SLC26A4: variants seen among roughly 807,000 people sequenced by gnomAD.
SLC26A4 encodes pendrin.
In SLC26A4, 93 loss-of-function variants were observed where a neutral mutation model predicts 90.4. The observed-to-expected ratio is 1.03, with a 90% CI of 0.87 to 1.22. SLC26A4 has a LOEUF of 1.22. SLC26A4 is among the 50% of genes most tolerant of loss of function. The pLI, the probability that SLC26A4 is intolerant of heterozygous loss-of-function variation, is 0.00. For synonymous variants in SLC26A4, 393 were observed against 354.6 expected (o/e 1.11, Z -1.22); for missense variants, 1,127 against 946.2 (o/e 1.19, Z -2.51).
At chr7:107,664,185 C>T (rs776148770) in intron 3 of SLC26A4, among the ~76,000 whole-genome samples, 4 of 152,126 alleles carry the variant, frequency 2.6e-5, no homozygotes, top group Non-Finnish European at 4.4e-5. Context: ...GATTGCAGCA[C>T]ATTAAATTAT....
At position 107,663,445 on chromosome 7, in the gene SLC26A4, T is replaced by C. The variant is rs1314120776; in HGVS notation, c.304+10T>C. On this transcript the variant is annotated intron_variant, in intron 3 of 20. Coordinates refer to ENST00000644269, the MANE Select transcript of SLC26A4 (RefSeq NM_000441.2). ...GTGGCCACGCTGCAAGGTAAGATGT[T>C]GGCAGATTGAGAGTTCTGGTCTCCA... The C allele has an allele frequency of 7.4e-6, 12 of 1,613,886 alleles. No homozygotes were observed. Among genetic ancestry groups the C allele is most frequent in the South Asian group, 4.4e-5 (4 of 91,082 alleles).
At position 107,691,993 on chromosome 7, in the gene SLC26A4, C is replaced by T. The variant is rs1017915207; in HGVS notation, c.1263+1756C>T. 21 of 1,288,926 alleles carry T rather than the reference C, an allele frequency of 1.6e-5. No individual in the cohort carries two copies. The East Asian group carries it at 2.8e-4, about 17-fold the overall frequency. The allele number at this position is 1,288,926 out of a possible 1,614,324, so 79.8% of individuals were successfully genotyped here. A position where few individuals can be genotyped will look rare whatever the true frequency, so the allele number is the denominator to read the frequency against. On this transcript the variant is annotated intron_variant, in intron 10 of 20. Transcript: ENST00000644269. ...GCTCTCCAGAGCACATGGTCTTCAG[C>T]GGGTGCAGGCAAATCTCAAACTGCT...
intron 10 of SLC26A4, among the ~76,000 whole-genome samples, chr7:107,692,775 T>A (rs988711292): frequency 6.6e-6 from 1 of 152,170 alleles, no homozygotes; most frequent in African/African-American, 2.4e-5. Context: ...ACAGAATAAT[T>A]TTTTAGTAAC....
chr7:107,712,549 T>G lies in SLC26A4; in HGVS notation c.2246T>G (p.Ile749Ser). ...QGSILETITL[I>S]QDCKDTLELI... ...GTTCTCTTTTTCAAGATCACTCTCA[T>G]TCAGGATTGTAAAGATACCCTTGAA... Residue 749 changes from isoleucine to serine, a missense_variant, in exon 20 of 21, where the codon ATT becomes AGT. Coordinates refer to ENST00000644269, the MANE Select transcript of SLC26A4 (RefSeq NM_000441.2). 1 of 1,562,252 alleles carries G rather than the reference T, an allele frequency of 6.4e-7. No homozygotes were observed. Among genetic ancestry groups the G allele is most frequent in the Non-Finnish European group, 8.8e-7 (1 of 1,132,818 alleles).
chr7:107,689,158 A>C lies in SLC26A4; in HGVS notation c.1107A>C (p.Lys369Asn). ...ATGCTATTGCAGTGTCAGTAGGAAA[A>C]GTATATGCCACCAAGTATGATTACA... is the stretch of plus-strand genomic sequence containing the variant. Reference protein sequence around the residue: ...VAYAIAVSVGKVYATKYDYTI... With the variant: ...VAYAIAVSVGNVYATKYDYTI... The change falls in exon 9 of 21, where the codon AAA (lysine) becomes AAC (asparagine). Residue 369 changes from lysine (K) to asparagine (N), a missense_variant. Coordinates refer to ENST00000644269, the MANE Select transcript of SLC26A4 (RefSeq NM_000441.2). The C allele has an allele frequency of 6.8e-6, 11 of 1,613,908 alleles. No homozygotes were observed. Among genetic ancestry groups the C allele is most frequent in the Non-Finnish European group, 9.3e-6 (11 of 1,179,838 alleles).
intron 19 of SLC26A4, 30 bp downstream of exon 19, chr7:107,710,229 C>G (rs759279399): frequency 6.9e-6 from 10 of 1,448,900 alleles, no homozygotes; most frequent in Admixed American, 1.7e-5. Context: ...ACAGATGTAT[C>G]TTTTCTAAAC....
At chr7:107,685,523 T>C (rs1346532937) in intron 8 of SLC26A4, among the ~76,000 whole-genome samples, 1 of 152,166 alleles carries the variant, frequency 6.6e-6, no homozygotes, top group Admixed American at 6.5e-5. Flanking sequence ...TAAGTTAGGA[T>C]CACTCCTAAC....
At chr7:107,704,614 G>C (rs766236122) in intron 18 of SLC26A4, among the ~76,000 whole-genome samples, 1 of 152,044 alleles carries the variant, frequency 6.6e-6, no homozygotes, top group Non-Finnish European at 1.5e-5. Flanking sequence ...AAAGGCCAAA[G>C]ACAGCAAAAG....
At position 107,716,394 on chromosome 7, in the gene SLC26A4, A is replaced by G. The variant is rs1045449116; in HGVS notation, c.*948A>G. On this transcript the variant is annotated 3_prime_UTR_variant, in exon 21 of 21. Coordinates refer to ENST00000644269, the MANE Select transcript of SLC26A4 (RefSeq NM_000441.2). ...TTTCTCAAAAATTTTAGCAGTGTGT[A>G]AAGTAAGTAATCTTTAACTGAACTC... 6 of 152,178 alleles carry G rather than the reference A, an allele frequency of 3.9e-5. No individual in the cohort carries two copies. Among genetic ancestry groups the G allele is most frequent in the Non-Finnish European group, 2.9e-5 (2 of 68,024 alleles). 9.4% of individuals were successfully genotyped at this position (152,178 alleles called of 1,614,324 possible).
chr7:107,680,863 C>T (rs914488684), intron 6 of SLC26A4, among the ~76,000 whole-genome samples: 2 of 152,008 alleles, frequency 1.3e-5, no homozygotes, highest in Non-Finnish European at 2.9e-5. Flanking sequence ...ATTTTTGCAT[C>T]TTGAGTTGAA....
At chr7:107,664,305 A>G (rs967799323) in intron 3 of SLC26A4, among the ~76,000 whole-genome samples, 5 of 152,122 alleles carry the variant, frequency 3.3e-5, no homozygotes, top group African/African-American at 4.8e-5. Context: ...TCTTGGCTCA[A>G]TGCAACCTCT....
intron 18 of SLC26A4, among the ~76,000 whole-genome samples, chr7:107,708,286 C>T (rs1792083267): frequency 1.3e-5 from 2 of 152,140 alleles, no homozygotes; most frequent in Non-Finnish European, 2.9e-5. Context: ...TTCATTTGGT[C>T]CTATACTTCC....
rs769038223 is a variant in SLC26A4, at chr7:107,700,092, C to A, written c.1624C>A (p.Pro542Thr). ...STKNYKNIEE[P>T]QGVKILRFSS... ...TTTCTTTTAATGCCAGATTGAAGAA[C>A]CTCAAGGAGTGAAGATTCTTAGATT... The change falls in exon 15 of 21, where the codon CCT becomes ACT. Residue 542 changes from proline (P) to threonine (T), a missense_variant. Coordinates refer to ENST00000644269, the MANE Select transcript of SLC26A4 (RefSeq NM_000441.2). 6 of 1,549,968 alleles carry A rather than the reference C, an allele frequency of 3.9e-6. No homozygotes were observed. The African/African-American group carries it at 4.1e-5, about 11-fold the overall frequency.
Position 107,661,692 on chromosome 7 carries a change from CT to C in SLC26A4, c.52del (p.Cys18AlafsTer48), listed in dbSNP as rs1316161028. The C allele has an allele frequency of 6.4e-7, 1 of 1,572,874 alleles. No homozygotes were observed. Among genetic ancestry groups the C allele is most frequent in the Admixed American group, 1.8e-5 (1 of 55,020 alleles). ...SEPPQLPEYS[C>X]SYMVSRPVYS... ...AGCCGCCGCAGCTCCCCGAGTACAG[CT>C]GCAGCTACATGGTGTCGCGGCCGGT... On this transcript the variant is annotated frameshift_variant, in exon 2 of 21. Coordinates refer to ENST00000644269, the MANE Select transcript of SLC26A4 (RefSeq NM_000441.2). LOFTEE classifies it high-confidence loss of function. The surrounding 1 kb of genome is among the most constrained non-coding windows in gnomAD (Gnocchi z 5.1).
chr7:107,714,136 G>T (rs1792273547), intron 20 of SLC26A4, among the ~76,000 whole-genome samples: 2 of 151,850 alleles, frequency 1.3e-5, no homozygotes, highest in Non-Finnish European at 2.9e-5. Flanking sequence ...ATGTTGTCCA[G>T]GCTGGTCTTG....
At chr7:107,693,641 C>G (rs191682980) in intron 10 of SLC26A4, 7 of 986,308 alleles carry the variant, frequency 7.1e-6, no homozygotes, top group East Asian at 2.3e-4. Context: ...GTCCCCACCC[C>G]CTCAGCCTCT....
At chr7:107,695,847 C>T in intron 12 of SLC26A4, 86 bp from the exon 13 acceptor site, 1 of 810,256 alleles carries the variant, frequency 1.2e-6, no homozygotes, top group Non-Finnish European at 2.2e-6. Flanking sequence ...GTTTGTGGAT[C>T]ATTGATCTTA....
At position 107,670,297 on chromosome 7, in the gene SLC26A4, C is replaced by T. The variant is rs759550910; in HGVS notation, c.305-1841C>T. Among the ~76,000 whole-genome samples the T allele has an allele frequency of 7.9e-5, 12 of 151,734 alleles. No individual in the cohort carries two copies. The South Asian group carries it at 2.5e-3, about 32-fold the overall frequency. On this transcript the variant is annotated intron_variant, in intron 3 of 20. Coordinates refer to ENST00000644269, the MANE Select transcript of SLC26A4 (RefSeq NM_000441.2). ...CTAATTTTTGTATTTTTAGTAGAGA[C>T]GGGGTTTCACCATCTTGGCCAGGGT...
chr7:107,696,688 A>T (rs1255005483), intron 13 of SLC26A4, among the ~76,000 whole-genome samples: 1 of 152,194 alleles, frequency 6.6e-6, no homozygotes, highest in Non-Finnish European at 1.5e-5. Context: ...GAAGGCAGCA[A>T]AGACATGATT....
Sources: allele counts gnomAD v4.1 joint callset (sites outside exome capture counted in the v4.1 genomes callset), GRCh38; gene constraint gnomAD v4.1.1; non-coding constraint Gnocchi (gnomAD v3.1); transcripts MANE v1.5; gene names NCBI Gene and HGNC (gene_info 2026-07-23, HGNC 2026-07-21).